Variants in LTBP2 observed in about 807,000 individuals in gnomAD.
LTBP2 encodes the protein latent transforming growth factor beta binding protein 2.
LTBP2 carries 103 observed loss-of-function variants against 210.6 expected under a neutral mutation model. The ratio of observed to expected loss-of-function variants is 0.49; its 90% confidence interval spans 0.42 to 0.58. The LOEUF is 0.58. Ranked by LOEUF, LTBP2 falls within the 20% of genes least tolerant of loss-of-function variation. The pLI is 0.00. For missense variants in LTBP2, 2,313 were observed against 2,494.5 expected (o/e 0.93, Z 1.55); for synonymous variants, 1,007 against 1,015.0 (o/e 0.99, Z 0.15).
chr14:74,553,786 C>T (rs1302393227), intron 4 of LTBP2, among the ~76,000 whole-genome samples: 1 of 151,860 alleles, frequency 6.6e-6, no homozygotes, highest in Non-Finnish European at 1.5e-5. Flanking sequence ...TAATTCAGTA[C>T]GGGGAGCCTG....
At chr14:74,563,511 T>C (rs780918989) in intron 3 of LTBP2, among the ~76,000 whole-genome samples, 2 of 152,114 alleles carry the variant, frequency 1.3e-5, no homozygotes, top group Non-Finnish European at 2.9e-5. Flanking sequence ...CATCAATAAG[T>C]TAAGCTTTCC....
chr14:74,563,996 A>G (rs1457318901), intron 3 of LTBP2, among the ~76,000 whole-genome samples: 2 of 117,986 alleles, frequency 1.7e-5, no homozygotes, highest in East Asian at 4.6e-4. Flanking sequence ...GGAAGTGGGA[A>G]GTGGGTGGGT....
chr14:74,503,855 T>C, intron 31 of LTBP2, 71 bp downstream of exon 31: 1 of 1,598,420 alleles, frequency 6.3e-7, no homozygotes, highest in Non-Finnish European at 8.5e-7. Flanking sequence ...TGGGACTGGC[T>C]GGCAGGGGCT....
At chr14:74,529,980 G>C (rs1307751777) in intron 10 of LTBP2, among the ~76,000 whole-genome samples, 12 of 152,164 alleles carry the variant, frequency 7.9e-5, no homozygotes, top group Non-Finnish European at 1.8e-4. Flanking sequence ...GGACGCAGCA[G>C]ACCAAGTTCA....
chr14:74,516,766 G>A, intron 18 of LTBP2, 56 bp downstream of exon 18: 1 of 1,543,452 alleles, frequency 6.5e-7, no homozygotes, highest in Non-Finnish European at 8.7e-7. Flanking sequence ...CAGTGCGTAG[G>A]GAGGGACAGG....
intron 10 of LTBP2, 114 bp downstream of exon 10, chr14:74,532,312 G>C: frequency 7.0e-7 from 1 of 1,423,626 alleles, no homozygotes; most frequent in Non-Finnish European, 9.8e-7. Context: ...CAGGCCCTGA[G>C]CATGGCGTGA....
At chr14:74,540,769 A>AT (rs551471973) in intron 8 of LTBP2, among the ~76,000 whole-genome samples, 5 of 92,978 alleles carry the variant, frequency 5.4e-5, no homozygotes, top group South Asian at 6.7e-4. Context: ...CATCTTAAAA[A>AT]ATATATATAT....
chr14:74,555,833 C>G (rs879770320), intron 3 of LTBP2, 140 bp from the exon 4 acceptor site: 49 of 561,928 alleles, frequency 8.7e-5, no homozygotes, highest in Non-Finnish European at 1.3e-4. Context: ...TGGCTGACTC[C>G]CAGACATGAA....
intron 3 of LTBP2, among the ~76,000 whole-genome samples, chr14:74,560,356 C>T (rs2087778519): frequency 1.3e-5 from 2 of 152,302 alleles, no homozygotes; most frequent in South Asian, 4.1e-4. Context: ...AAGAGACAGC[C>T]ACCAGATCCA....
At chr14:74,580,607 G>C (rs898526364) in intron 3 of LTBP2, among the ~76,000 whole-genome samples, 60 of 152,274 alleles carry the variant, frequency 3.9e-4, no homozygotes, top group African/African-American at 1.4e-3. Context: ...TCCAGCTCCT[G>C]AGCTATAAGA....
chr14:74,572,322 T>A (rs745351167), intron 3 of LTBP2, among the ~76,000 whole-genome samples: 452 of 82,566 alleles, frequency 5.5e-3, no homozygotes, highest in African/African-American at 0.013. Flanking sequence ...TGTGTGTGTG[T>A]GAGAGAGAGA....
Position 74,585,950 on chromosome 14 carries a change from T to C in LTBP2, c.734A>G (p.Asn245Ser). The C allele has an allele frequency of 6.2e-7, 1 of 1,613,624 alleles. No individual in the cohort carries two copies. Among genetic ancestry groups the C allele is most frequent in the Non-Finnish European group, 8.5e-7 (1 of 1,179,848 alleles). The change falls in exon 3 of 36, where the codon AAC becomes AGC. Residue 245 changes from asparagine (N) to serine (S), a missense_variant. By Grantham distance (46) the Asn-to-Ser change is conservative. Transcript: ENST00000261978. The part of the protein sequence containing the change: ...APRRWAERSP[N>S]LRRSSAAGEG... ...TCCAGCCGCACTGCTCCTGCGCAGG[T>C]TGGGTGAACGCTCGGCCCAGCGTCG...
Position 74,528,679 on chromosome 14 carries a change from G to A in LTBP2, c.2172C>T (p.Cys724=), listed in dbSNP as rs1327950625. 7 of 1,612,534 alleles carry A rather than the reference G, an allele frequency of 4.3e-6. No individual in the cohort carries two copies. Among genetic ancestry groups the A allele is most frequent in the South Asian group, 1.1e-5 (1 of 91,088 alleles). ...LPGTEAFREI[C]PAGHGYTYAS... is the part of the protein sequence containing the mutation. ...CGTAGGTGTAGCCGTGGCCGGCAGGGCAGATCTCTCTGAAGGCCTCTGCAA... is the reference window on the plus strand; with the variant it reads ...CGTAGGTGTAGCCGTGGCCGGCAGGACAGATCTCTCTGAAGGCCTCTGCAA... The change falls in exon 12 of 36, where the codon TGC becomes TGT. Residue 724 remains cysteine, a synonymous_variant. Coordinates refer to ENST00000261978, the MANE Select transcript of LTBP2 (RefSeq NM_000428.3).
rs1343992263 is a variant in LTBP2, at chr14:74,500,040, A to T, written c.*844T>A. 4.3e-6 allele frequency: 1 copy of T among 232,268 alleles called. No individual in the cohort carries two copies. Among genetic ancestry groups the T allele is most frequent in the Non-Finnish European group, 8.5e-6 (1 of 117,488 alleles). 14.4% of individuals were successfully genotyped at this position (232,268 alleles called of 1,614,324 possible). ...CTGTAAGAAGCAGTGTTTATGTAAT[A>T]GAGGTCTTTGTAGATGGGTGCTGTA... On this transcript the variant is annotated 3_prime_UTR_variant, in exon 36 of 36. Coordinates refer to ENST00000261978, the MANE Select transcript of LTBP2 (RefSeq NM_000428.3).
In LTBP2 at chr14:74,502,814, C is replaced by T. The variant is rs1465721143; in HGVS notation, c.5009G>A (p.Gly1670Asp). ...GTTGTAGAAGGGGGCCCCATCTGGGCCATAGATGCTGTAGTGCAGGTCATC... is the reference window on the plus strand; with the variant it reads ...GTTGTAGAAGGGGGCCCCATCTGGGTCATAGATGCTGTAGTGCAGGTCATC... ...GPDDLHYSIY[G>D]PDGAPFYNYL... Residue 1670 changes from glycine (G) to aspartate (D), a missense_variant, in exon 34 of 36, where the codon GGC (glycine) becomes GAC (aspartate). Physicochemically the swap from Gly to Asp is moderately conservative, Grantham distance 94 (BLOSUM62 -1). Transcript: ENST00000261978. 1.9e-6 allele frequency: 3 copies of T among 1,614,158 alleles called. No individual in the cohort carries two copies. The highest frequency in any genetic ancestry group is 2.2e-5 in the South Asian group (2 of 91,086).
At chr14:74,572,724 A>G (rs1182108629) in intron 3 of LTBP2, among the ~76,000 whole-genome samples, 12 of 152,100 alleles carry the variant, frequency 7.9e-5, no homozygotes, top group Non-Finnish European at 1.5e-4. Context: ...TTCTCTCCAC[A>G]GCTTCCACCC....
At chr14:74,561,185 G>T (rs1008237560) in intron 3 of LTBP2, among the ~76,000 whole-genome samples, 1 of 152,136 alleles carries the variant, frequency 6.6e-6, no homozygotes, top group Admixed American at 6.5e-5. Context: ...GGGCGTGGTG[G>T]TGGGCACCTG....
chr14:74,570,901 G>T (rs2087966322), intron 3 of LTBP2, among the ~76,000 whole-genome samples: 1 of 152,150 alleles, frequency 6.6e-6, no homozygotes, highest in Non-Finnish European at 1.5e-5. Context: ...AATTCTCAAA[G>T]TTTCTGATGA....
intron 3 of LTBP2, among the ~76,000 whole-genome samples, chr14:74,566,278 C>T (rs77606793): frequency 0.013 from 2,052 of 152,230 alleles, 43 homozygotes; most frequent in African/African-American, 0.047. Context: ...GGAACACCAA[C>T]GCTTAAGAGG....
Sources: gnomAD v4.1 joint callset for allele counts (sites outside exome capture counted in the v4.1 genomes callset) on GRCh38, gnomAD v4.1.1 for gene constraint, MANE v1.5 for transcripts, NCBI Gene and HGNC (gene_info 2026-07-23, HGNC 2026-07-21) for gene names.